The following NALF1 variants were observed in gnomAD, a reference collection of about 807,000 sequenced individuals.
NALF1 encodes family with sequence similarity 155 member A.
NALF1 carries 3 observed loss-of-function variants against 48.4 expected under a neutral mutation model. The observed-to-expected ratio is 0.06, with a 90% CI of 0.03 to 0.16. The LOEUF is 0.16. Among genes scored for constraint, NALF1 ranks in the 10% least tolerant of loss-of-function variants. The pLI, the probability that NALF1 is intolerant of heterozygous loss-of-function variation, is 1.00. For synonymous variants in NALF1, 262 were observed against 245.7 expected, an observed-to-expected ratio of 1.07 and a Z score of -0.62; for missense variants, 526 against 571.5, an observed-to-expected ratio of 0.92 and a Z score of 0.81.
chr13:107,503,805 G>GAA, intron 1 of NALF1, among the ~76,000 whole-genome samples: 1 of 147,920 alleles, frequency 6.8e-6, no homozygotes, highest in African/African-American at 2.5e-5. Flanking sequence ...GTATTATTCA[G>GAA]CCTTAAAAAA....
chr13:107,238,444 T>C (rs900035008), intron 1 of NALF1, among the ~76,000 whole-genome samples: 1 of 152,166 alleles, frequency 6.6e-6, no homozygotes. Flanking sequence ...AATGCAGCTC[T>C]GCCGGGCCCT....
At chr13:107,228,620 C>T (rs79328666) in intron 1 of NALF1, among the ~76,000 whole-genome samples, 6,300 of 152,028 alleles carry the variant, frequency 0.041, 200 homozygotes, top group South Asian at 0.08. Context: ...CTAAGGGTGC[C>T]GGTAATTCTT....
chr13:107,710,898 CA>C (rs1875569899), intron 1 of NALF1, among the ~76,000 whole-genome samples: 1 of 150,770 alleles, frequency 6.6e-6, no homozygotes, highest in African/African-American at 2.5e-5. Context: ...CACAGACACA[CA>C]TATATATTAA....
intron 1 of NALF1, among the ~76,000 whole-genome samples, chr13:107,756,033 T>C (rs917702006): frequency 1.3e-5 from 2 of 152,232 alleles, no homozygotes; most frequent in Non-Finnish European, 2.9e-5. Flanking sequence ...TAATGAGGTC[T>C]TGCTTCCTAG....
At chr13:107,327,421 T>C (rs1265857541) in intron 1 of NALF1, among the ~76,000 whole-genome samples, 1 of 152,218 alleles carries the variant, frequency 6.6e-6, no homozygotes, top group East Asian at 1.9e-4. Context: ...CAATTCAGTA[T>C]GAATGAGGTT....
At chr13:107,671,988 A>G (rs1457127249) in intron 1 of NALF1, among the ~76,000 whole-genome samples, 1 of 132,356 alleles carries the variant, frequency 7.6e-6, no homozygotes, top group African/African-American at 3.4e-5. Flanking sequence ...TTACAGGGGT[A>G]AAATTGCCTT....
intron 1 of NALF1, among the ~76,000 whole-genome samples, chr13:107,719,641 A>G (rs1371113592): frequency 7.9e-5 from 12 of 152,050 alleles, no homozygotes; most frequent in Non-Finnish European, 1.3e-4. Flanking sequence ...ACTTCCAACT[A>G]TTAATCACTG....
intron 1 of NALF1, among the ~76,000 whole-genome samples, chr13:107,466,842 TTTG>T (rs149867044): frequency 0.028 from 4,216 of 152,274 alleles, 200 homozygotes; most frequent in African/African-American, 0.096. Flanking sequence ...TGTTTCTGGT[TTTG>T]TTTTCTTTCA....
chr13:107,369,491 C>A (rs1883212575), intron 1 of NALF1, among the ~76,000 whole-genome samples: 1 of 152,044 alleles, frequency 6.6e-6, no homozygotes, highest in Non-Finnish European at 1.5e-5. Flanking sequence ...ATAATCTGTA[C>A]ATTCTTTGTT....
At chr13:107,659,805 C>T (rs572302031) in intron 1 of NALF1, among the ~76,000 whole-genome samples, 159 of 146,706 alleles carry the variant, frequency 1.1e-3, no homozygotes, top group African/African-American at 3.9e-3. Flanking sequence ...GTATAAATTG[C>T]CAAACATTTT....
chr13:107,537,487 T>A (rs1876862426), intron 1 of NALF1, among the ~76,000 whole-genome samples: 1 of 152,118 alleles, frequency 6.6e-6, no homozygotes, highest in African/African-American at 2.4e-5. Context: ...AAGTAATTTG[T>A]TTTTCACTTT....
At chr13:107,679,418 G>C (rs532323635) in intron 1 of NALF1, among the ~76,000 whole-genome samples, 2 of 152,204 alleles carry the variant, frequency 1.3e-5, no homozygotes, top group Non-Finnish European at 2.9e-5. Context: ...TCAAAGAAGC[G>C]AGTGTTAGAT....
At chr13:107,319,024 A>T (rs1259016375) in intron 1 of NALF1, among the ~76,000 whole-genome samples, 1 of 152,108 alleles carries the variant, frequency 6.6e-6, no homozygotes, top group Non-Finnish European at 1.5e-5. Flanking sequence ...GTTAAGCAGC[A>T]GAGTTCAAGG....
chr13:107,278,670 T>G (rs1199669231), intron 1 of NALF1, among the ~76,000 whole-genome samples: 1 of 152,228 alleles, frequency 6.6e-6, no homozygotes, highest in Non-Finnish European at 1.5e-5. Context: ...TACCAGCTAA[T>G]TAAGGGACAA....
chr13:107,570,188 T>C (rs1232371967), intron 1 of NALF1, among the ~76,000 whole-genome samples: 4 of 151,256 alleles, frequency 2.6e-5, no homozygotes, highest in Admixed American at 6.6e-5. Flanking sequence ...CTTTTTTTTT[T>C]CTTGCATTAC....
chr13:107,433,262 C>T (rs1044959760), intron 1 of NALF1, among the ~76,000 whole-genome samples: 3 of 152,076 alleles, frequency 2.0e-5, no homozygotes, highest in African/African-American at 7.2e-5. Flanking sequence ...ATTATAATAA[C>T]TTTATGCTGG....
chr13:107,317,628 TCTTAA>T (rs1882175682), intron 1 of NALF1, among the ~76,000 whole-genome samples: 1 of 152,014 alleles, frequency 6.6e-6, no homozygotes, highest in South Asian at 2.1e-4. Flanking sequence ...GATCTTTAAT[TCTTAA>T]CTTATATTAA....
intron 1 of NALF1, among the ~76,000 whole-genome samples, chr13:107,255,686 T>C (rs1286908824): frequency 6.6e-6 from 1 of 152,182 alleles, no homozygotes; most frequent in Non-Finnish European, 1.5e-5. Context: ...TATCTAATGC[T>C]CACAAATGCT....
chr13:107,240,903 G>T (rs1880453048), intron 1 of NALF1, among the ~76,000 whole-genome samples: 1 of 151,806 alleles, frequency 6.6e-6, no homozygotes, highest in Non-Finnish European at 1.5e-5. Flanking sequence ...TGGTGTCTTA[G>T]TTCTTTTTTT....
Sources: gnomAD v4.1 joint callset for allele counts (sites outside exome capture counted in the v4.1 genomes callset) on GRCh38, gnomAD v4.1.1 for gene constraint, MANE v1.5 for transcripts, NCBI Gene and HGNC (gene_info 2026-07-23, HGNC 2026-07-21) for gene names.